The following HCN2 variants were observed in gnomAD, a reference collection of about 807,000 sequenced individuals.
The protein encoded by HCN2 is potassium/sodium hyperpolarization-activated cyclic nucleotide-gated channel 2.
HCN2 carries 20 observed loss-of-function variants against 52.3 expected under a neutral mutation model. The observed-to-expected ratio is 0.38, with a 90% confidence interval of 0.27 to 0.56. The LOEUF is 0.56. Ranked by LOEUF, HCN2 falls within the 20% of genes least tolerant of loss-of-function variation. The pLI, the probability that HCN2 is intolerant of heterozygous loss-of-function variation, is 0.71. For synonymous variants in HCN2, 694 were observed against 537.0 expected (o/e 1.29, Z -4.04); for missense variants, 981 against 1,207.7 (o/e 0.81, Z 2.78).
rs1300071160 is a variant in HCN2, at chr19:616,167, G to A, written c.2363G>A (p.Arg788Gln). Residue 788 changes from arginine to glutamine, a missense_variant, in exon 8 of 8, where the codon CGG becomes CAG. Around this residue, in one of 6 missense-constraint regions of HCN2, gnomAD observed 368 missense variants for 314.8 expected, o/e 1.17. Transcript: ENST00000251287. ...ASPPGAPASPRAPRTSPYGGL... is the reference protein window; with the variant it reads ...ASPPGAPASPQAPRTSPYGGL... ...CCCCCGGGCGCGCCCGCCAGCCCCC[G>A]GGCACCGCGGACCTCGCCCTACGGC... The A allele has an allele frequency of 4.6e-5, 32 of 695,248 alleles. 2 individuals carry two copies. In the South Asian group the frequency reaches 2.0e-3, roughly 43 times the overall value. 43.1% of individuals were successfully genotyped at this position (695,248 alleles called of 1,614,324 possible). A position where few individuals can be genotyped will look rare whatever the true frequency, so the allele number is the denominator to read the frequency against.
intron 5 of HCN2, among the ~76,000 whole-genome samples, chr19:612,776 C>G (rs577500548): frequency 6.7e-6 from 1 of 148,842 alleles, no homozygotes; most frequent in East Asian, 2.0e-4. Context: ...TGCGCTCAGG[C>G]TGGAGGGCAG....
At position 590,227 on chromosome 19, in the gene HCN2, C is replaced by T; in HGVS notation, c.282C>T (p.Ala94=). The T allele has an allele frequency of 1.0e-6, 1 of 989,896 alleles. No homozygotes were observed. The highest frequency in any genetic ancestry group is 1.1e-4 in the East Asian group (1 of 8,714). The allele number at this position is 989,896 out of a possible 1,614,324, so 61.3% of individuals were successfully genotyped here. ...RPGTPGAAST[A]KGSPNGECGR... ...GCACCCCGGGCGCGGCGAGCACGGC[C>T]AAGGGCAGCCCGAACGGCGAGTGCG... The change falls in exon 1 of 8, where the codon GCC becomes GCT. Residue 94 remains alanine, a synonymous_variant. Coordinates refer to ENST00000251287, the MANE Select transcript of HCN2 (RefSeq NM_001194.4). The surrounding 1 kb of genome is among the most constrained non-coding windows in gnomAD (Gnocchi z 7.2).
intron 1 of HCN2, among the ~76,000 whole-genome samples, chr19:595,483 C>T (rs1468808775): frequency 2.0e-5 from 3 of 151,998 alleles, no homozygotes; most frequent in African/African-American, 7.3e-5. Context: ...AGGCCGCCCA[C>T]CGGCCTTGAA....
chr19:611,951 G>A (rs1478740977), intron 5 of HCN2, among the ~76,000 whole-genome samples: 3 of 152,126 alleles, frequency 2.0e-5, no homozygotes, highest in Non-Finnish European at 4.4e-5. Flanking sequence ...TTCGAGACCA[G>A]CCTGGCCAAC....
In HCN2 at chr19:590,631, G is replaced by T; in HGVS notation, c.632+54G>T. 1.6e-6 allele frequency: 2 copies of T among 1,253,154 alleles called. No homozygotes were observed. The highest frequency in any genetic ancestry group is 2.7e-5 in the South Asian group (1 of 37,220). 77.6% of individuals were successfully genotyped at this position (1,253,154 alleles called of 1,614,324 possible). ...CGAGGGGGCCCGGGGAGCCGGGCGC[G>T]CGGGGAGCCGTCCTTGGAGCGCCTG... On this transcript the variant is annotated intron_variant, in intron 1 of 7. Coordinates refer to ENST00000251287, the MANE Select transcript of HCN2 (RefSeq NM_001194.4). This position sits in a 1 kb window ranked among gnomAD's most constrained non-coding sequence, Gnocchi z 7.2.
intron 2 of HCN2, among the ~76,000 whole-genome samples, chr19:604,852 A>T (rs1983362562): frequency 9.3e-5 from 2 of 21,586 alleles, no homozygotes; most frequent in South Asian, 3.7e-3. Flanking sequence ...AAGGCTGTAG[A>T]GGTGGGCGGG....
At position 595,398 on chromosome 19, in the gene HCN2, C is replaced by T. The variant is rs539878082; in HGVS notation, c.632+4821C>T. ...GGCTGTCAGCATGGGCCTCTCCAGA[C>T]ATCGGTCCTTCTTTCCCTGTCACCT... On this transcript the variant is annotated intron_variant, in intron 1 of 7. Transcript: ENST00000251287. Among the ~76,000 whole-genome samples, 3 of 152,138 alleles carry T rather than the reference C, an allele frequency of 2.0e-5. No homozygotes were observed. The East Asian group carries it at 5.8e-4, about 30-fold the overall frequency.
At chr19:614,811 AG>A (rs1293016039) in intron 7 of HCN2, among the ~76,000 whole-genome samples, 1 of 152,032 alleles carries the variant, frequency 6.6e-6, no homozygotes, top group Admixed American at 6.5e-5. Flanking sequence ...CTGGCCTCTC[AG>A]GGGGGCAGTC....
At position 605,228 on chromosome 19, in the gene HCN2, C is replaced by T. The variant is rs80135478; in HGVS notation, c.1218+6C>T. ...TGTCCATCAATGGCATGGTGGTGAG[C>T]GCCGCGGGCCCTGACGGAGGGGGAG... On this transcript the variant is annotated splice_donor_region_variant and intron_variant, in intron 3 of 7. Transcript: ENST00000251287. The T allele has an allele frequency of 0.019, 30,731 of 1,608,758 alleles. 1,782 individuals are homozygous for T. Among genetic ancestry groups the T allele is most frequent in the African/African-American group, 0.17 (12,790 of 74,752 alleles).
At chr19:609,127 C>T (rs542626068) in intron 4 of HCN2, among the ~76,000 whole-genome samples, 75 of 152,330 alleles carry the variant, frequency 4.9e-4, no homozygotes, top group Admixed American at 4.5e-3. Context: ...CCCTGCTGTC[C>T]GGAAGCCACG....
In HCN2 at chr19:605,120, C is replaced by T; in HGVS notation, c.1116C>T (p.Ser372=). 2 of 1,612,050 alleles carry T rather than the reference C, an allele frequency of 1.2e-6. No homozygotes were observed. Among genetic ancestry groups the T allele is most frequent in the South Asian group, 1.1e-5 (1 of 91,044 alleles). The part of the protein sequence containing the change: ...SAVMRICNLI[S]MMLLLCHWDG... ...TGATGAGGATCTGCAATCTCATCAG[C>T]ATGATGCTGCTGCTCTGCCACTGGG... Residue 372 remains serine (S), a synonymous_variant, in exon 3 of 8, where the codon AGC becomes AGT. Transcript: ENST00000251287.
intron 6 of HCN2, 40 bp from the exon 7 acceptor site, chr19:613,812 C>T (rs946199652): frequency 5.5e-6 from 8 of 1,464,384 alleles, no homozygotes; most frequent in Admixed American, 5.1e-5. Context: ...GCCGCGGCGC[C>T]CGCCTCGTCC....
rs1982890721 is a variant in HCN2 at position 592,091 on chromosome 19, A to T, written c.632+1514A>T. Among the ~76,000 whole-genome samples, 1 of 152,086 alleles carries T rather than the reference A, an allele frequency of 6.6e-6. No individual in the cohort carries two copies. Among genetic ancestry groups the T allele is most frequent in the Non-Finnish European group, 1.5e-5 (1 of 67,984 alleles). On this transcript the variant is annotated intron_variant, in intron 1 of 7. Coordinates refer to ENST00000251287, the MANE Select transcript of HCN2 (RefSeq NM_001194.4). The surrounding 1 kb of genome is among the most constrained non-coding windows in gnomAD (Gnocchi z 4.8). ...TCAGCATCTGGGCTCTGGCCTGCGAAATGTGGACAGTGAGCGGGAAGGACT... is the reference window on the plus strand; with the variant it reads ...TCAGCATCTGGGCTCTGGCCTGCGATATGTGGACAGTGAGCGGGAAGGACT...
Position 616,239 on chromosome 19 carries a change from G to C in HCN2, c.2435G>C (p.Arg812Pro), listed in dbSNP as rs1215518731. 1 of 999,718 alleles carries C rather than the reference G, an allele frequency of 1.0e-6. No individual in the cohort carries two copies. The highest frequency in any genetic ancestry group is 1.2e-6 in the Non-Finnish European group (1 of 842,690). The allele number at this position is 999,718 out of a possible 1,614,324, so 61.9% of individuals were successfully genotyped here. A position where few individuals can be genotyped will look rare whatever the true frequency, so the allele number is the denominator to read the frequency against. Residue 812 changes from arginine to proline, a missense_variant, in exon 8 of 8, where the codon CGC (arginine) becomes CCC (proline). Transcript: ENST00000251287. ...PLAGPALPAR[R>P]LSRASRPLSA... ...GCTGGGCCCGCCCTGCCCGCGCGCCGCCTGAGCCGCGCGTCGCGCCCACTG... is the reference window on the plus strand; with the variant it reads ...GCTGGGCCCGCCCTGCCCGCGCGCCCCCTGAGCCGCGCGTCGCGCCCACTG...
chr19:612,727 C>A (rs888170663), intron 5 of HCN2, among the ~76,000 whole-genome samples: 7 of 136,726 alleles, frequency 5.1e-5, no homozygotes, highest in Non-Finnish European at 1.1e-4. Context: ...ATTTTTCCCC[C>A]ATTTTCTTTT....
At chr19:612,802 G>A (rs972582967) in intron 5 of HCN2, among the ~76,000 whole-genome samples, 12 of 149,308 alleles carry the variant, frequency 8.0e-5, no homozygotes, top group Non-Finnish European at 1.5e-4. Flanking sequence ...TGGGGATCAC[G>A]GCTCACTGCA....
intron 3 of HCN2, 89 bp downstream of exon 3, chr19:605,311 T>C: frequency 8.5e-7 from 1 of 1,179,386 alleles, no homozygotes; most frequent in Non-Finnish European, 1.2e-6. Flanking sequence ...TACAGAGGGT[T>C]GAACCCAAGC....
At chr19:613,782 C>G in intron 6 of HCN2, 70 bp from the exon 7 acceptor site, 4 of 1,401,416 alleles carry the variant, frequency 2.9e-6, no homozygotes, top group Non-Finnish European at 2.8e-6. Context: ...GAGGCCGGGC[C>G]GTGTGCCTGG....
In HCN2 at chr19:615,945, T is replaced by G. The variant is rs1318105886; in HGVS notation, c.2141T>G (p.Phe714Cys). 6.2e-7 allele frequency: 1 copy of G among 1,606,472 alleles called. No individual in the cohort carries two copies. The highest frequency in any genetic ancestry group is 8.5e-7 in the Non-Finnish European group (1 of 1,178,188). Residue 714 changes from phenylalanine (F) to cysteine (C), a missense_variant, in exon 8 of 8, where the codon TTC becomes TGC. By Grantham distance (205) the Phe-to-Cys change is radical. Transcript: ENST00000251287. The stretch of plus-strand genomic sequence containing the variant: ...GAGCTGGGTCAGCGCGTGGGCCTCT[T>G]CCCGCCGCCGCCGCCGCCGCCGCAG... Reference protein sequence around the residue: ...QAELGQRVGLFPPPPPPPQVT... With the variant: ...QAELGQRVGLCPPPPPPPQVT...
Sources: gnomAD v4.1 joint callset for allele counts (sites outside exome capture counted in the v4.1 genomes callset) on GRCh38, gnomAD v4.1.1 for gene constraint, gnomAD v4.1.1 regional missense constraint, Gnocchi (gnomAD v3.1) non-coding constraint, MANE v1.5 for transcripts, NCBI Gene and HGNC (gene_info 2026-07-23, HGNC 2026-07-21) for gene names.